Variants in ITGB8 observed in about 807,000 individuals in gnomAD.
ITGB8 encodes integrin beta-8.
In ITGB8, 30 loss-of-function variants were observed where a neutral mutation model predicts 89.5. The ratio of observed to expected loss-of-function variants is 0.34; its 90% CI spans 0.25 to 0.45. The LOEUF (loss-of-function observed/expected upper bound fraction) is 0.45. Ranked by LOEUF, ITGB8 falls within the 20% of genes least tolerant of loss-of-function variation. The probability of loss-of-function intolerance (pLI) is 1.00; values close to 1 mark genes in which losing one functional copy is unlikely to be tolerated. For missense variants in ITGB8, 836 were observed against 933.3 expected (o/e 0.90, Z 1.36); for synonymous variants, 335 against 320.4 (o/e 1.05, Z -0.49).
At chr7:20,370,160 G>C (rs571004398) in intron 3 of ITGB8, among the ~76,000 whole-genome samples, 1 of 151,852 alleles carries the variant, frequency 6.6e-6, no homozygotes, top group South Asian at 2.1e-4. Flanking sequence ...GAACCAGAGA[G>C]CTGGTTCTCT....
chr7:20,415,467 T>G lies in ITGB8; in HGVS notation c.*5470T>G, dbSNP rs1247465454. On this transcript the variant is annotated 3_prime_UTR_variant, in exon 14 of 14. Transcript: ENST00000222573. ...AACATATTTCTTATTATTTCTGGCT[T>G]TGAATTATACGTAACTTAAATTGTC... The G allele has an allele frequency of 1.3e-5, 2 of 152,600 alleles. No homozygotes were observed. Among genetic ancestry groups the G allele is most frequent in the East Asian group, 3.9e-4 (2 of 5,192 alleles). 9.5% of individuals were successfully genotyped at this position (152,600 alleles called of 1,614,324 possible). A position where few individuals can be genotyped will look rare whatever the true frequency, so the allele number is the denominator to read the frequency against.
intron 1 of ITGB8, among the ~76,000 whole-genome samples, chr7:20,358,414 TTTTTC>T (rs924378966): frequency 2.6e-5 from 4 of 151,026 alleles, no homozygotes; most frequent in Non-Finnish European, 5.9e-5. Flanking sequence ...TAGCATCATT[TTTTTC>T]TTTTTTTTTT....
intron 6 of ITGB8, among the ~76,000 whole-genome samples, chr7:20,383,581 C>A (rs1786489477): frequency 1.3e-5 from 2 of 152,022 alleles, no homozygotes; most frequent in Non-Finnish European, 2.9e-5. Flanking sequence ...TTGTATTATT[C>A]TTTTGAAGTT....
chr7:20,364,751 C>T (rs1020577014), intron 2 of ITGB8: 4 of 152,328 alleles, frequency 2.6e-5, no homozygotes, highest in Admixed American at 2.6e-4. Flanking sequence ...TGCCTGTGAG[C>T]CAAATGACCA....
intron 1 of ITGB8, among the ~76,000 whole-genome samples, chr7:20,362,710 TC>T (rs1445550123): frequency 6.6e-6 from 1 of 152,230 alleles, no homozygotes; most frequent in Non-Finnish European, 1.5e-5. Context: ...CACCGTGACT[TC>T]CAGTGTCCTT....
At chr7:20,368,373 G>A (rs753791036) in intron 3 of ITGB8, among the ~76,000 whole-genome samples, 1 of 152,034 alleles carries the variant, frequency 6.6e-6, no homozygotes, top group Non-Finnish European at 1.5e-5. Flanking sequence ...GTACGTTCTC[G>A]TACACCTAAT....
In ITGB8 at chr7:20,410,148, A is replaced by T; in HGVS notation, c.*151A>T. The T allele has an allele frequency of 1.4e-6, 1 of 719,704 alleles. No individual in the cohort carries two copies. The highest frequency in any genetic ancestry group is 2.3e-6 in the Non-Finnish European group (1 of 435,364). 44.6% of individuals were successfully genotyped at this position (719,704 alleles called of 1,614,324 possible). On this transcript the variant is annotated 3_prime_UTR_variant, in exon 14 of 14. Coordinates refer to ENST00000222573, the MANE Select transcript of ITGB8 (RefSeq NM_002214.3). ...CGAACGAAGACTGACAAGTATCCTC[A>T]TCATGATGTGACTCACATAGCTGCT...
At chr7:20,349,985 C>G (rs919094494) in intron 1 of ITGB8, among the ~76,000 whole-genome samples, 1 of 152,202 alleles carries the variant, frequency 6.6e-6, no homozygotes, top group Non-Finnish European at 1.5e-5. Flanking sequence ...AACCCTTCCA[C>G]CCACCAAAGA....
intron 1 of ITGB8, among the ~76,000 whole-genome samples, chr7:20,341,806 C>A (rs1472755899): frequency 2.6e-5 from 4 of 151,252 alleles, no homozygotes; most frequent in African/African-American, 9.8e-5. Flanking sequence ...CTTGTCTGGG[C>A]AGAGATTGAC....
intron 1 of ITGB8, among the ~76,000 whole-genome samples, chr7:20,335,516 T>TCTG (rs1435014879): frequency 2.1e-5 from 3 of 140,308 alleles, no homozygotes; most frequent in Non-Finnish European, 5.0e-5. Context: ...GTTTCAAGGA[T>TCTG]CTGCCTGCCC....
rs5882739 is a variant in ITGB8, at chr7:20,389,838, G to GTT, written c.961-1555_961-1554dup. On this transcript the variant is annotated intron_variant, in intron 6 of 13. Coordinates refer to ENST00000222573, the MANE Select transcript of ITGB8 (RefSeq NM_002214.3). ...AGCTGGCAGAATTTGTGTTTTTGGAGTTTTTTTTTTTCCATTGCTTTACAA... is the reference window on the plus strand; with the variant it reads ...AGCTGGCAGAATTTGTGTTTTTGGAGTTTTTTTTTTTTTCCATTGCTTTACAA... 2.5e-3 allele frequency among the ~76,000 whole-genome samples: 377 copies of GTT among 148,628 alleles called. 2 individuals are homozygous for GTT. The highest frequency in any genetic ancestry group is 0.019 in the South Asian group (89 of 4,730).
intron 10 of ITGB8, 86 bp downstream of exon 10, chr7:20,402,212 A>T: frequency 8.5e-7 from 1 of 1,172,732 alleles, no homozygotes; most frequent in Non-Finnish European, 1.2e-6. Context: ...ACATGTTTAT[A>T]AATTAGCAAA....
At position 20,389,952 on chromosome 7, in the gene ITGB8, A is replaced by C. The variant is rs534423678; in HGVS notation, c.961-1451A>C. The stretch of plus-strand genomic sequence containing the variant: ...TTAAGCTTCTTCATTAGTTGGTTTC[A>C]TATCATGTGTAAAGGCAACTCATGA... On this transcript the variant is annotated intron_variant, in intron 6 of 13. Transcript: ENST00000222573. Among the ~76,000 whole-genome samples, 32 of 152,134 alleles carry C rather than the reference A, an allele frequency of 2.1e-4. No individual in the cohort carries two copies. In the South Asian group the frequency reaches 6.6e-3, roughly 32 times the overall value.
intron 6 of ITGB8, among the ~76,000 whole-genome samples, chr7:20,385,351 A>G (rs1021610130): frequency 1.3e-5 from 2 of 152,220 alleles, no homozygotes; most frequent in Non-Finnish European, 2.9e-5. Context: ...TGCATACCAT[A>G]TATTCACTAG....
chr7:20,408,182 T>C (rs1562707377), intron 12 of ITGB8, among the ~76,000 whole-genome samples: 2 of 152,228 alleles, frequency 1.3e-5, no homozygotes, highest in East Asian at 3.9e-4. Context: ...TGACAGTCTG[T>C]CAGAACAAAA....
chr7:20,406,497 C>A (rs1787549939), intron 12 of ITGB8, among the ~76,000 whole-genome samples: 1 of 151,336 alleles, frequency 6.6e-6, no homozygotes, highest in Admixed American at 6.6e-5. Context: ...TTGCAATGAG[C>A]TGAGATCATG....
At chr7:20,395,372 G>A (rs1421602329) in intron 8 of ITGB8, among the ~76,000 whole-genome samples, 3 of 152,174 alleles carry the variant, frequency 2.0e-5, no homozygotes, top group African/African-American at 7.2e-5. Context: ...AATCTGCCAG[G>A]GCAGTTAAAC....
chr7:20,397,879 G>T (rs1306611187), intron 8 of ITGB8, among the ~76,000 whole-genome samples: 1 of 152,068 alleles, frequency 6.6e-6, no homozygotes, highest in Non-Finnish European at 1.5e-5. Flanking sequence ...AGAATTAGAA[G>T]CCACTGGAAA....
rs1353283197 is a variant in ITGB8, at chr7:20,409,891, A to G, written c.2204A>G (p.Gln735Arg). The G allele has an allele frequency of 6.8e-6, 11 of 1,613,468 alleles. No homozygotes were observed. Among genetic ancestry groups the G allele is most frequent in the African/African-American group, 1.3e-5 (1 of 74,908 alleles). ...SASKKDKLIL[Q>R]SVCTRAVTYR... ...TCTATTAAGGATAAGTTGATTCTGC[A>G]AAGTGTTTGCACAAGAGCAGTCACC... The change falls in exon 14 of 14, where the codon CAA becomes CGA. Residue 735 changes from glutamine to arginine, a missense_variant. Gln to Arg is a conservative substitution (Grantham distance 43). This residue lies in a region of ITGB8 where 422 missense variants were observed against 416.9 expected (regional missense o/e 1.01). Transcript: ENST00000222573.
Sources: allele counts gnomAD v4.1 joint callset (sites outside exome capture counted in the v4.1 genomes callset), GRCh38; gene constraint gnomAD v4.1.1; regional missense constraint gnomAD v4.1.1; transcripts MANE v1.5; gene names NCBI Gene and HGNC (gene_info 2026-07-23, HGNC 2026-07-21).